The following SPATS2L variants were observed in gnomAD, a reference collection of about 807,000 sequenced individuals.
The protein encoded by SPATS2L is spermatogenesis associated serine rich 2 like.
Under a neutral mutation model 59.6 loss-of-function variants are expected in SPATS2L, and 30 were observed. That is an observed-to-expected ratio of 0.50 (90% CI 0.38 to 0.68). The LOEUF is 0.68. Among genes scored for constraint, SPATS2L ranks in the 30% least tolerant of loss-of-function variants. The pLI is 0.00. For missense variants in SPATS2L, 615 were observed against 700.0 expected (o/e 0.88, Z 1.37); for synonymous variants, 252 against 263.5 (o/e 0.96, Z 0.42).
intron 4 of SPATS2L, among the ~76,000 whole-genome samples, chr2:200,414,773 A>G (rs942719174): frequency 6.6e-6 from 1 of 152,250 alleles, no homozygotes; most frequent in Non-Finnish European, 1.5e-5. Context: ...TTAAAATTTA[A>G]TAATAACAGT....
At chr2:200,353,844 A>G (rs1273189596) in intron 2 of SPATS2L, among the ~76,000 whole-genome samples, 2 of 152,210 alleles carry the variant, frequency 1.3e-5, no homozygotes, top group African/African-American at 4.8e-5. Flanking sequence ...TTTTCTTGGC[A>G]GAACTCTGGT....
At chr2:200,394,573 T>C (rs2082273350) in intron 3 of SPATS2L, among the ~76,000 whole-genome samples, 1 of 152,184 alleles carries the variant, frequency 6.6e-6, no homozygotes, top group African/African-American at 2.4e-5. Flanking sequence ...CAGATAGAGT[T>C]AGATAAATGA....
intron 6 of SPATS2L, among the ~76,000 whole-genome samples, chr2:200,426,009 G>C (rs1484933084): frequency 6.6e-6 from 1 of 151,192 alleles, no homozygotes; most frequent in Non-Finnish European, 1.5e-5. Context: ...GGTCTGAACA[G>C]CCAGTGTTTT....
intron 3 of SPATS2L, chr2:200,393,117 C>T (rs188182724): frequency 6.7e-4 from 289 of 434,554 alleles, no homozygotes; most frequent in Non-Finnish European, 1.1e-3. Context: ...CTGGGTTGGG[C>T]GCCATGGTGC....
chr2:200,400,488 A>G (rs199668268), intron 3 of SPATS2L, among the ~76,000 whole-genome samples: 1 of 152,250 alleles, frequency 6.6e-6, no homozygotes, highest in African/African-American at 2.4e-5. Flanking sequence ...GTTGCTAACA[A>G]TGATTTGAGA....
chr2:200,357,190 C>T (rs1574482435), intron 2 of SPATS2L, among the ~76,000 whole-genome samples: 1 of 152,160 alleles, frequency 6.6e-6, no homozygotes, highest in African/African-American at 2.4e-5. Context: ...TTCATTCCAC[C>T]TCTGTTTGGG....
At chr2:200,347,729 C>T (rs996185475) in intron 2 of SPATS2L, among the ~76,000 whole-genome samples, 3 of 152,166 alleles carry the variant, frequency 2.0e-5, no homozygotes, top group Admixed American at 6.5e-5. Context: ...AATGTCCACC[C>T]CACCAAGTAT....
intron 2 of SPATS2L, among the ~76,000 whole-genome samples, chr2:200,341,726 G>A (rs986422843): frequency 4.8e-5 from 7 of 145,488 alleles, no homozygotes; most frequent in South Asian, 2.2e-4. Context: ...GTTTTGCTCT[G>A]TCGCCCAGGC....
At chr2:200,311,912 A>G (rs772223090) in intron 1 of SPATS2L, among the ~76,000 whole-genome samples, 19 of 152,158 alleles carry the variant, frequency 1.2e-4, no homozygotes, top group Non-Finnish European at 2.6e-4. Context: ...TTTCAGTGTT[A>G]TTGGGAATAT....
intron 2 of SPATS2L, among the ~76,000 whole-genome samples, chr2:200,385,244 C>T (rs1305089655): frequency 6.6e-6 from 1 of 152,244 alleles, no homozygotes; most frequent in African/African-American, 2.4e-5. Context: ...CTAAAAATCA[C>T]AGCATTAGAG....
chr2:200,355,292 A>G (rs192705769), intron 2 of SPATS2L, among the ~76,000 whole-genome samples: 1 of 152,240 alleles, frequency 6.6e-6, no homozygotes, highest in Non-Finnish European at 1.5e-5. Context: ...CACCCCAGAC[A>G]TAGCCTCTGG....
chr2:200,367,465 G>A (rs940248364), intron 2 of SPATS2L, among the ~76,000 whole-genome samples: 1 of 152,118 alleles, frequency 6.6e-6, no homozygotes, highest in African/African-American at 2.4e-5. Flanking sequence ...TACTCAAATC[G>A]TAGTCAGTGA....
At chr2:200,334,276 A>T (rs1415165757) in intron 2 of SPATS2L, among the ~76,000 whole-genome samples, 2 of 151,884 alleles carry the variant, frequency 1.3e-5, no homozygotes, top group Non-Finnish European at 2.9e-5. Flanking sequence ...TTTTTTCATG[A>T]TGATGAGCAT....
intron 1 of SPATS2L, among the ~76,000 whole-genome samples, chr2:200,325,709 T>C (rs2079714683): frequency 6.6e-6 from 1 of 152,146 alleles, no homozygotes; most frequent in Non-Finnish European, 1.5e-5. Flanking sequence ...CAAATAATTG[T>C]AATGGGAAGG....
At chr2:200,421,252 C>T (rs775583322) in intron 6 of SPATS2L, among the ~76,000 whole-genome samples, 1 of 152,020 alleles carries the variant, frequency 6.6e-6, no homozygotes, top group Non-Finnish European at 1.5e-5. Flanking sequence ...TTCCTGGGAG[C>T]ATTGGGTATT....
At chr2:200,329,023 A>T (rs2079847676) in intron 1 of SPATS2L, among the ~76,000 whole-genome samples, 1 of 152,190 alleles carries the variant, frequency 6.6e-6, no homozygotes. Context: ...GTAAAGTGCC[A>T]GTAATACCAG....
At chr2:200,477,027 C>T (rs998019112) in intron 12 of SPATS2L, among the ~76,000 whole-genome samples, 4 of 152,206 alleles carry the variant, frequency 2.6e-5, no homozygotes, top group African/African-American at 7.2e-5. Context: ...CTGCAGTCTC[C>T]GACGTGCAGC....
rs147375069 is a variant in SPATS2L at position 200,469,419 on chromosome 2, C to T, written c.958-495C>T. On this transcript the variant is annotated intron_variant, in intron 10 of 12. Transcript: ENST00000409140. ...ATGAATGGAAAAATAATCTCTTTCT[C>T]ACTTCTTTTCACAGCACTTGAAATT... Among the ~76,000 whole-genome samples, 466 of 152,304 alleles carry T rather than the reference C, an allele frequency of 3.1e-3. 2 individuals are homozygous for T. The highest frequency in any genetic ancestry group is 0.01 in the African/African-American group (430 of 41,562).
intron 2 of SPATS2L, among the ~76,000 whole-genome samples, chr2:200,334,732 G>A (rs1474199435): frequency 2.6e-5 from 4 of 151,388 alleles, no homozygotes; most frequent in African/African-American, 7.3e-5. Flanking sequence ...TCTACATATG[G>A]CTAGCCAGTT....
Sources: gnomAD v4.1 joint callset for allele counts (sites outside exome capture counted in the v4.1 genomes callset) on GRCh38, gnomAD v4.1.1 for gene constraint, MANE v1.5 for transcripts, NCBI Gene and HGNC (gene_info 2026-07-23, HGNC 2026-07-21) for gene names.